The following DCAF8L2 variants were observed in gnomAD, a reference collection of about 807,000 sequenced individuals.
DCAF8L2 encodes the protein DDB1 and CUL4 associated factor 8 like 2, also known as DDB1- and CUL4-associated factor 8-like protein 2.
For missense variants in DCAF8L2, 430 were observed against 490.7 expected, an observed-to-expected ratio of 0.88 and a Z score of 1.17; for synonymous variants, 200 against 190.9, an observed-to-expected ratio of 1.05 and a Z score of -0.39.
chrX:27,528,557 A>G, the DCAF8L2 span, among the ~76,000 whole-genome samples: 13 of 106,903 alleles, frequency 1.2e-4, no homozygotes, highest in Admixed American at 1.1e-3. Context: ...TTTAATGTTT[A>G]TAACTTTAAT....
chrX:27,584,002 C>A, the DCAF8L2 span, among the ~76,000 whole-genome samples: 2 of 112,049 alleles, frequency 1.8e-5, no homozygotes, highest in South Asian at 7.5e-4. Context: ...GATCTACATT[C>A]TCTGTGCTTG....
chrX:27,592,182 G>T (rs2147107847), intron 1 of DCAF8L2, among the ~76,000 whole-genome samples: 1 of 112,054 alleles, frequency 8.9e-6, no homozygotes, highest in African/African-American at 3.2e-5. Context: ...GGTGCGTGGG[G>T]CAGGATGAGC....
intron 4 of DCAF8L2, among the ~76,000 whole-genome samples, chrX:27,731,494 G>A (rs1457297357): frequency 9.0e-6 from 1 of 111,674 alleles, no homozygotes; most frequent in African/African-American, 3.3e-5. Context: ...GGTGCCAGCT[G>A]ATTAGATTCC....
chrX:27,558,303 G>C, the DCAF8L2 span, among the ~76,000 whole-genome samples: 6 of 112,011 alleles, frequency 5.4e-5, no homozygotes, highest in East Asian at 1.4e-3. Flanking sequence ...CTCCTGCCAA[G>C]ACAGTGGCTC....
intron 3 of DCAF8L2, among the ~76,000 whole-genome samples, chrX:27,711,426 T>TTA (rs1423669611): frequency 1.5e-4 from 15 of 101,347 alleles, no homozygotes; most frequent in South Asian, 8.5e-4. Context: ...TGTGTGTGTA[T>TTA]TATATATATA....
chrX:27,513,590 A>G, the DCAF8L2 span, among the ~76,000 whole-genome samples: 2 of 109,189 alleles, frequency 1.8e-5, no homozygotes, highest in African/African-American at 6.7e-5. Context: ...CTGTAGTTCC[A>G]CCTACTTGGG....
At chrX:27,652,150 A>G (rs1195246308) in intron 2 of DCAF8L2, among the ~76,000 whole-genome samples, 1 of 111,128 alleles carries the variant, frequency 9.0e-6, no homozygotes, top group Admixed American at 9.6e-5. Context: ...TTTAACAAAT[A>G]ACAGTAGCCA....
intron 4 of DCAF8L2, among the ~76,000 whole-genome samples, chrX:27,738,103 T>C (rs1286380435): frequency 2.7e-5 from 3 of 111,587 alleles, no homozygotes; most frequent in Non-Finnish European, 5.6e-5. Context: ...ATACTACTGG[T>C]CTCCAAGAGT....
At chrX:27,531,068 G>T in the DCAF8L2 span, among the ~76,000 whole-genome samples, 2 of 111,811 alleles carry the variant, frequency 1.8e-5, no homozygotes. Context: ...ACATGTAGTG[G>T]CTGATTCTGA....
At chrX:27,646,642 T>C (rs1322981053) in intron 2 of DCAF8L2, among the ~76,000 whole-genome samples, 1 of 110,163 alleles carries the variant, frequency 9.1e-6, no homozygotes, top group African/African-American at 3.3e-5. Context: ...TAGGAGAAAA[T>C]TTTTGCAATC....
intron 1 of DCAF8L2, among the ~76,000 whole-genome samples, chrX:27,625,074 GA>G (rs1904879118): frequency 8.9e-6 from 1 of 111,778 alleles, no homozygotes; most frequent in African/African-American, 3.2e-5. Flanking sequence ...CAGAATGAGA[GA>G]AAAAATTTGC....
chrX:27,553,018 A>G, the DCAF8L2 span, among the ~76,000 whole-genome samples: 1 of 110,882 alleles, frequency 9.0e-6, no homozygotes, highest in Non-Finnish European at 1.9e-5. Context: ...ATTTTATTTT[A>G]CTTTTGTAGT....
At chrX:27,648,553 T>A (rs896686979) in intron 2 of DCAF8L2, among the ~76,000 whole-genome samples, 7 of 108,370 alleles carry the variant, frequency 6.5e-5, no homozygotes, top group Non-Finnish European at 9.5e-5. Flanking sequence ...ATATATCTGC[T>A]TTACTTTTTG....
chrX:27,549,302 T>C, the DCAF8L2 span, among the ~76,000 whole-genome samples: 1 of 111,762 alleles, frequency 8.9e-6, no homozygotes, highest in Non-Finnish European at 1.9e-5. Context: ...TGGTTGCTTT[T>C]TCAGTTTGTG....
intron 1 of DCAF8L2, among the ~76,000 whole-genome samples, chrX:27,607,043 CA>C (rs767687949): frequency 9.0e-6 from 1 of 110,681 alleles, no homozygotes; most frequent in East Asian, 2.8e-4. Context: ...AATACTTGTA[CA>C]AAAAAATGTG....
intron 2 of DCAF8L2, among the ~76,000 whole-genome samples, chrX:27,638,431 G>A (rs1928583586): frequency 9.0e-6 from 1 of 111,572 alleles, no homozygotes; most frequent in Admixed American, 9.5e-5. Flanking sequence ...TATGTACCTT[G>A]GAAACCGACA....
In DCAF8L2 at chrX:27,747,595, G is replaced by A. The variant is rs1390575808; in HGVS notation, c.700G>A (p.Val234Ile). The A allele has an allele frequency of 2.5e-6, 3 of 1,197,160 alleles. No individual in the cohort carries two copies. The African/African-American group carries it at 5.3e-5, about 21-fold the overall frequency. The change falls in exon 5 of 5, where the codon GTA becomes ATA. Residue 234 changes from valine (V) to isoleucine (I), a missense_variant. By Grantham distance (29) the Val-to-Ile change is conservative. Transcript: ENST00000451261. ...LADHVGCVNT[V>I]HFNQRGTRLA... ...AGACCATGTCGGCTGTGTCAATACTGTACACTTTAACCAGCGTGGCACCCG... is the reference window on the plus strand; with the variant it reads ...AGACCATGTCGGCTGTGTCAATACTATACACTTTAACCAGCGTGGCACCCG...
chrX:27,666,263 A>C (rs1478635796), intron 2 of DCAF8L2, among the ~76,000 whole-genome samples: 1 of 112,298 alleles, frequency 8.9e-6, no homozygotes, highest in African/African-American at 3.2e-5. Context: ...CTAACATTTT[A>C]GACAATAAAG....
chrX:27,616,926 T>C (rs780615596), intron 1 of DCAF8L2, among the ~76,000 whole-genome samples: 5 of 111,882 alleles, frequency 4.5e-5, no homozygotes, highest in African/African-American at 6.5e-5. Flanking sequence ...ACATTCTCTT[T>C]GTGGAAAAAG....
Sources: gnomAD v4.1 joint callset for allele counts (sites outside exome capture counted in the v4.1 genomes callset) on GRCh38, gnomAD v4.1.1 for gene constraint, MANE v1.5 for transcripts, NCBI Gene and HGNC (gene_info 2026-07-23, HGNC 2026-07-21) for gene names.